The following PRUNE2 variants were observed in gnomAD, a reference collection of about 807,000 sequenced individuals.
PRUNE2 encodes prune homolog 2 with BCH domain, also known as protein prune homolog 2.
PRUNE2 carries 164 observed loss-of-function variants against 252.0 expected under a neutral mutation model. That is an observed-to-expected ratio of 0.65 (90% CI 0.57 to 0.74). The LOEUF (loss-of-function observed/expected upper bound fraction) is 0.74, where lower values mean the gene tolerates loss of function less well. Ranked by LOEUF, PRUNE2 falls within the 30% of genes least tolerant of loss-of-function variation. The pLI, the probability that PRUNE2 is intolerant of heterozygous loss-of-function variation, is 0.00. For missense variants in PRUNE2, 3,495 were observed against 3,711.0 expected (o/e 0.94, Z 1.51); for synonymous variants, 1,292 against 1,350.2 (o/e 0.96, Z 0.94).
In PRUNE2 at chr9:76,714,096, A is replaced by G. The variant is rs186624073; in HGVS notation, c.757-375T>C. On this transcript the variant is annotated intron_variant, in intron 6 of 18. Transcript: ENST00000376718. Reference sequence around the variant, plus strand: ...TCTGCTATTGTTACAATTTATCACAATAAGAATAGGAGGAAGTTATTTCTT... The same window carrying G: ...TCTGCTATTGTTACAATTTATCACAGTAAGAATAGGAGGAAGTTATTTCTT... Among the ~76,000 whole-genome samples the G allele has an allele frequency of 1.1e-3, 171 of 152,332 alleles. 2 individuals are homozygous for G. The highest frequency in any genetic ancestry group is 2.0e-3 in the Non-Finnish European group (139 of 68,034).
rs756299337 is a variant in PRUNE2, at chr9:76,703,821, A to G, written c.7792T>C (p.Cys2598Arg). 2 of 1,613,962 alleles carry G rather than the reference A, an allele frequency of 1.2e-6. No homozygotes were observed. The highest frequency in any genetic ancestry group is 1.7e-6 in the Non-Finnish European group (2 of 1,179,878). ...CTTTCATTTAAGGAGGCTGGCTGAC[A>G]TGTGTCTGGGAAGCTTGCTAACTGA... is the stretch of plus-strand genomic sequence containing the variant. ...GTQLASFPDT[C>R]QPASLNERKG... Residue 2598 changes from cysteine (C) to arginine (R), a missense_variant, in exon 9 of 19, where the codon TGT becomes CGT. By Grantham distance (180) the Cys-to-Arg change is radical (BLOSUM62 -3). Coordinates refer to ENST00000376718, the MANE Select transcript of PRUNE2 (RefSeq NM_015225.3).
intron 4 of PRUNE2, among the ~76,000 whole-genome samples, chr9:76,830,930 AT>A (rs34591955): frequency 0.42 from 58,293 of 138,338 alleles, 12,290 homozygotes; most frequent in African/African-American, 0.61. Flanking sequence ...AGTGAAAACA[AT>A]TTTTTTTTTT....
chr9:76,674,130 C>T (rs1181521934), intron 9 of PRUNE2, among the ~76,000 whole-genome samples: 31 of 151,526 alleles, frequency 2.0e-4, no homozygotes, highest in Middle Eastern at 3.4e-3. Flanking sequence ...TGTTTGCAGA[C>T]GACATGATTG....
intron 6 of PRUNE2, among the ~76,000 whole-genome samples, chr9:76,729,732 TGTAGAA>T (rs2048404365): frequency 2.6e-5 from 4 of 152,174 alleles, no homozygotes; most frequent in Non-Finnish European, 5.9e-5. Context: ...AATCTTTTCA[TGTAGAA>T]CCAAGGTCTT....
At chr9:76,768,271 C>A (rs2052652062) in intron 6 of PRUNE2, among the ~76,000 whole-genome samples, 1 of 152,142 alleles carries the variant, frequency 6.6e-6, no homozygotes, top group Non-Finnish European at 1.5e-5. Flanking sequence ...CAGCTCACTG[C>A]AACCTCCGCC....
rs1255043962 is a variant in PRUNE2, at chr9:76,657,378, CAG to C, written c.8277-1878_8277-1877del. Among the ~76,000 whole-genome samples the C allele has an allele frequency of 1.9e-4, 29 of 152,304 alleles. 1 individual carries two copies. Among genetic ancestry groups the C allele is most frequent in the African/African-American group, 6.5e-4 (27 of 41,544 alleles). On this transcript the variant is annotated intron_variant, in intron 9 of 18. Transcript: ENST00000376718. ...AGATATCAGATTTCTATCTGCCTGA[CAG>C]AGCACACAGGATGTGGGCCTTGGCA...
chr9:76,665,832 G>C (rs146025754), intron 9 of PRUNE2, among the ~76,000 whole-genome samples: 1 of 151,912 alleles, frequency 6.6e-6, no homozygotes, highest in South Asian at 2.1e-4. Flanking sequence ...TCAGGAGTTC[G>C]AGATCTGTGG....
chr9:76,699,193 C>T (rs2045674781), intron 9 of PRUNE2, among the ~76,000 whole-genome samples: 1 of 151,942 alleles, frequency 6.6e-6, no homozygotes, highest in Non-Finnish European at 1.5e-5. Flanking sequence ...GCCAATATAT[C>T]TATATATCGA....
chr9:76,801,409 T>C (rs967694767), intron 6 of PRUNE2, among the ~76,000 whole-genome samples: 24 of 152,182 alleles, frequency 1.6e-4, no homozygotes, highest in African/African-American at 5.1e-4. Flanking sequence ...AGATTATTAA[T>C]GAAAAGTAAT....
At chr9:76,872,091 G>C (rs1369132808) in intron 1 of PRUNE2, among the ~76,000 whole-genome samples, 1 of 151,968 alleles carries the variant, frequency 6.6e-6, no homozygotes, top group African/African-American at 2.4e-5. Context: ...ACCCACAAGA[G>C]TCCTTGGCAC....
intron 1 of PRUNE2, among the ~76,000 whole-genome samples, chr9:76,877,298 A>G (rs1281221591): frequency 6.6e-6 from 1 of 152,110 alleles, no homozygotes; most frequent in Non-Finnish European, 1.5e-5. Context: ...TAAGCTCAGG[A>G]GTTCGAGACC....
At chr9:76,722,615 T>C (rs1046663928) in intron 6 of PRUNE2, among the ~76,000 whole-genome samples, 3 of 152,232 alleles carry the variant, frequency 2.0e-5, no homozygotes, top group Admixed American at 1.3e-4. Flanking sequence ...TTTACGTCAA[T>C]AGTATATTGC....
rs188918411 is a variant in PRUNE2 at position 76,829,672 on chromosome 9, G to A, written c.509-2940C>T. On this transcript the variant is annotated intron_variant, in intron 4 of 18. Coordinates refer to ENST00000376718, the MANE Select transcript of PRUNE2 (RefSeq NM_015225.3). ...TACCAACCCCTGCCTAGGGAGAAGG[G>A]TGAAGCAAAAATGGATCAGTCTTCC... 7.5e-3 allele frequency among the ~76,000 whole-genome samples: 1,137 copies of A among 151,920 alleles called. 10 individuals are homozygous for A. Among genetic ancestry groups the A allele is most frequent in the Non-Finnish European group, 0.011 (779 of 67,978 alleles).
In PRUNE2 at chr9:76,644,864, G is replaced by GGAATA. The variant is rs1200784647; in HGVS notation, c.8598_8602dup (p.Pro2868LeufsTer31). The stretch of plus-strand genomic sequence containing the variant: ...CCGTTCCTCTTCGGCCGTATATTCT[G>GGAATA]GAATAGACTCTGACTCTTGGCCAGA... On this transcript the variant is annotated frameshift_variant, in exon 12 of 19. Coordinates refer to ENST00000376718, the MANE Select transcript of PRUNE2 (RefSeq NM_015225.3). LOFTEE classifies it high-confidence loss of function. 1 of 1,613,858 alleles carries GGAATA rather than the reference G, an allele frequency of 6.2e-7. No individual in the cohort carries two copies. The highest frequency in any genetic ancestry group is 2.2e-5 in the East Asian group (1 of 44,872).
intron 4 of PRUNE2, among the ~76,000 whole-genome samples, chr9:76,838,180 T>C (rs375278917): frequency 5.3e-5 from 8 of 151,864 alleles, no homozygotes; most frequent in African/African-American, 1.4e-4. Context: ...TCTTTTATTA[T>C]ACTGCATGCA....
At chr9:76,664,029 T>G (rs1239493870) in intron 9 of PRUNE2, among the ~76,000 whole-genome samples, 1 of 152,214 alleles carries the variant, frequency 6.6e-6, no homozygotes, top group Non-Finnish European at 1.5e-5. Context: ...ACCTTCTCTG[T>G]GACGACTTTG....
At chr9:76,625,126 G>A in intron 16 of PRUNE2, 2 of 1,063,390 alleles carry the variant, frequency 1.9e-6, no homozygotes, top group South Asian at 1.3e-5. Flanking sequence ...ACAAGTAAAT[G>A]ATTTAAATGA....
At chr9:76,746,608 G>C (rs2050130477) in intron 6 of PRUNE2, among the ~76,000 whole-genome samples, 1 of 150,848 alleles carries the variant, frequency 6.6e-6, no homozygotes, top group Non-Finnish European at 1.5e-5. Context: ...GGGAGGCTGA[G>C]GCAGGAGAAT....
At chr9:76,825,679 C>T (rs368411179) in intron 5 of PRUNE2, among the ~76,000 whole-genome samples, 2 of 152,194 alleles carry the variant, frequency 1.3e-5, no homozygotes, top group South Asian at 4.1e-4. Flanking sequence ...ACTTCAGTGT[C>T]CTCCCTCACC....
Sources: gnomAD v4.1 joint callset for allele counts (sites outside exome capture counted in the v4.1 genomes callset) on GRCh38, gnomAD v4.1.1 for gene constraint, MANE v1.5 for transcripts, NCBI Gene and HGNC (gene_info 2026-07-23, HGNC 2026-07-21) for gene names.